ZNF491: variants seen among roughly 807,000 people sequenced by gnomAD.
ZNF491 encodes zinc finger protein 491.
Under a neutral mutation model 34.7 loss-of-function variants are expected in ZNF491, and 22 were observed. The observed-to-expected ratio is 0.63, with a 90% CI of 0.45 to 0.90. The LOEUF (loss-of-function observed/expected upper bound fraction) is 0.90, where lower values mean the gene tolerates loss of function less well. Among genes scored for constraint, ZNF491 ranks in the 40% least tolerant of loss-of-function variants. ZNF491 has a pLI of 0.00. For synonymous variants in ZNF491, 148 were observed against 174.3 expected (o/e 0.85, Z 1.19); for missense variants, 559 against 531.7 (o/e 1.05, Z -0.51).
chr19:11,800,960 C>G (rs1346515839), intron 1 of ZNF491, among the ~76,000 whole-genome samples: 1 of 151,852 alleles, frequency 6.6e-6, no homozygotes, highest in African/African-American at 2.4e-5. Context: ...TCGCTTGAGC[C>G]CCGAAGATCC....
In ZNF491 at chr19:11,804,174, G is replaced by A. The variant is rs372910362; in HGVS notation, c.-133-368G>A. 2.2e-5 allele frequency among the ~76,000 whole-genome samples: 3 copies of A among 137,620 alleles called. No homozygotes were observed. The South Asian group carries it at 6.8e-4, about 31-fold the overall frequency. 90.3% of individuals were successfully genotyped at this position (137,620 alleles called of 152,430 possible). ...GCCAAGATCGCGCCACTGCACTCCA[G>A]CCTGGGTGACAGAGTGAGGCCCCAT... On this transcript the variant is annotated intron_variant, in intron 1 of 2. Transcript: ENST00000323169.
chr19:11,806,211 T>C lies in ZNF491; in HGVS notation c.258T>C (p.His86=). 6.2e-7 allele frequency: 1 copy of C among 1,613,738 alleles called. No homozygotes were observed. The highest frequency in any genetic ancestry group is 2.2e-5 in the East Asian group (1 of 44,896). The stretch of plus-strand genomic sequence containing the variant: ...AACAACGTAGGAAAGCCTTGAGCCA[T>C]AGCCACTGCTTTCGAACACATGAAA... ...KHKQRRKALS[H]SHCFRTHERP... Residue 86 remains histidine, a synonymous_variant, in exon 3 of 3, where the codon CAT becomes CAC. Coordinates refer to ENST00000323169, the MANE Select transcript of ZNF491 (RefSeq NM_152356.4).
At position 11,807,331 on chromosome 19, in the gene ZNF491, G is replaced by A; in HGVS notation, c.*64G>A. The A allele has an allele frequency of 8.0e-7, 1 of 1,251,414 alleles. No homozygotes were observed. The highest frequency in any genetic ancestry group is 1.9e-5 in the South Asian group (1 of 53,220). The allele number at this position is 1,251,414 out of a possible 1,614,324, so 77.5% of individuals were successfully genotyped here. On this transcript the variant is annotated 3_prime_UTR_variant, in exon 3 of 3. Coordinates refer to ENST00000323169, the MANE Select transcript of ZNF491 (RefSeq NM_152356.4). ...AGGGTCTCACTATCTTGTCCAGGTT[G>A]GTCTTGAACTCCTGGCCTCAAGCAT...
At chr19:11,801,696 A>T (rs1228251064) in intron 1 of ZNF491, among the ~76,000 whole-genome samples, 1 of 152,142 alleles carries the variant, frequency 6.6e-6, no homozygotes, top group African/African-American at 2.4e-5. Context: ...AACCTTAAAA[A>T]TTTTACTAGC....
rs758809179 is a variant in ZNF491, at chr19:11,806,489, G to A, written c.536G>A (p.Arg179Lys). The A allele has an allele frequency of 6.2e-7, 1 of 1,613,974 alleles. No individual in the cohort carries two copies. Among genetic ancestry groups the A allele is most frequent in the East Asian group, 2.2e-5 (1 of 44,878 alleles). The change falls in exon 3 of 3, where the codon AGA becomes AAA. Residue 179 changes from arginine (R) to lysine (K), a missense_variant. Coordinates refer to ENST00000323169, the MANE Select transcript of ZNF491 (RefSeq NM_152356.4). Reference sequence around the variant, plus strand: ...CACAGTTCTGTTCGAATCCATGAAAGAACTCACACTGGGGAGAAGCCATAT... The same window carrying A: ...CACAGTTCTGTTCGAATCCATGAAAAAACTCACACTGGGGAGAAGCCATAT... The part of the protein sequence containing the change: ...SWHSSVRIHE[R>K]THTGEKPYEC...
chr19:11,805,783 G>C (rs1260195621), intron 2 of ZNF491, among the ~76,000 whole-genome samples, 164 bp from the exon 3 acceptor site: 1 of 152,156 alleles, frequency 6.6e-6, no homozygotes, highest in South Asian at 2.1e-4. Context: ...GGCGGTGAAG[G>C]CTGCAGTGTG....
chr19:11,802,076 C>T (rs1490823025), intron 1 of ZNF491, among the ~76,000 whole-genome samples: 1 of 152,132 alleles, frequency 6.6e-6, no homozygotes, highest in African/African-American at 2.4e-5. Flanking sequence ...GCCTCAGCCT[C>T]CTGAAAGTGT....
At position 11,806,499 on chromosome 19, in the gene ZNF491, T is replaced by C. The variant is rs1599282044; in HGVS notation, c.546T>C (p.Thr182=). The C allele has an allele frequency of 1.2e-6, 2 of 1,613,902 alleles. No individual in the cohort carries two copies. The highest frequency in any genetic ancestry group is 8.5e-7 in the Non-Finnish European group (1 of 1,180,000). Residue 182 remains threonine, a synonymous_variant, in exon 3 of 3, where the codon ACT becomes ACC. Transcript: ENST00000323169. ...SSVRIHERTH[T]GEKPYECKEC... is the part of the protein sequence containing the mutation. Reference sequence around the variant, plus strand: ...TTCGAATCCATGAAAGAACTCACACTGGGGAGAAGCCATATGAATGTAAGG... The same window carrying C: ...TTCGAATCCATGAAAGAACTCACACCGGGGAGAAGCCATATGAATGTAAGG...
At chr19:11,801,439 G>A (rs1225624818) in intron 1 of ZNF491, among the ~76,000 whole-genome samples, 1 of 151,924 alleles carries the variant, frequency 6.6e-6, no homozygotes, top group African/African-American at 2.4e-5. Flanking sequence ...GGTGGATCAT[G>A]AGGTCAGGAG....
chr19:11,800,741 G>T (rs1975549985), intron 1 of ZNF491, among the ~76,000 whole-genome samples: 1 of 152,040 alleles, frequency 6.6e-6, no homozygotes, highest in South Asian at 2.1e-4. Flanking sequence ...AAAAATTTTA[G>T]TCCAGGCACA....
At chr19:11,803,688 A>G (rs1467190806) in intron 1 of ZNF491, among the ~76,000 whole-genome samples, 1 of 152,228 alleles carries the variant, frequency 6.6e-6, no homozygotes, top group Non-Finnish European at 1.5e-5. Flanking sequence ...GTTTTGCAGG[A>G]GAATGCCACA....
In ZNF491 at chr19:11,807,554, ATTC is replaced by A. The variant is rs968587749; in HGVS notation, c.*289_*291del. ...CCCCTGATTCTAGCCCATTTTCCTG[ATTC>A]TCTGGCTTGTCAATCAAGAGTATCC... is the stretch of plus-strand genomic sequence containing the variant. On this transcript the variant is annotated 3_prime_UTR_variant, in exon 3 of 3. Coordinates refer to ENST00000323169, the MANE Select transcript of ZNF491 (RefSeq NM_152356.4). The A allele has an allele frequency of 1.8e-5, 6 of 329,900 alleles. No homozygotes were observed. The highest frequency in any genetic ancestry group is 2.9e-5 in the Non-Finnish European group (5 of 173,300). The allele number at this position is 329,900 out of a possible 1,614,324, so 20.4% of individuals were successfully genotyped here. A position where few individuals can be genotyped will look rare whatever the true frequency, so the allele number is the denominator to read the frequency against.
Position 11,806,479 on chromosome 19 carries a change from A to C in ZNF491, c.526A>C (p.Ile176Leu). The part of the protein sequence containing the change: ...KAFSWHSSVR[I>L]HERTHTGEKP... ...CTTCAGTTGGCACAGTTCTGTTCGA[A>C]TCCATGAAAGAACTCACACTGGGGA... The change falls in exon 3 of 3, where the codon ATC becomes CTC. Residue 176 changes from isoleucine to leucine, a missense_variant. Physicochemically the swap from Ile to Leu is conservative, Grantham distance 5. Transcript: ENST00000323169. 2 of 1,613,906 alleles carry C rather than the reference A, an allele frequency of 1.2e-6. No individual in the cohort carries two copies. Among genetic ancestry groups the C allele is most frequent in the Middle Eastern group, 1.7e-4 (1 of 6,054 alleles).
intron 1 of ZNF491, among the ~76,000 whole-genome samples, chr19:11,804,117 T>G (rs1400823690): frequency 1.3e-5 from 2 of 148,906 alleles, no homozygotes; most frequent in Admixed American, 6.8e-5. Flanking sequence ...GCAGGAGAAC[T>G]GCTTGAACCC....
chr19:11,806,110 A>C lies in ZNF491; in HGVS notation c.157A>C (p.Asn53His). 6.2e-7 allele frequency: 1 copy of C among 1,613,894 alleles called. No homozygotes were observed. Among genetic ancestry groups the C allele is most frequent in the Non-Finnish European group, 8.5e-7 (1 of 1,180,016 alleles). ...GEIFMGYSSF[N>H]RNIRTDTGHQ... ...AATCTTCATGGGATATTCATCCTTT[A>C]ATAGGAACATCAGAACTGACACTGG... Residue 53 changes from asparagine to histidine, a missense_variant, in exon 3 of 3, where the codon AAT becomes CAT. By Grantham distance (68) the Asn-to-His change is moderately conservative. Coordinates refer to ENST00000323169, the MANE Select transcript of ZNF491 (RefSeq NM_152356.4).
chr19:11,807,057 C>T lies in ZNF491; in HGVS notation c.1104C>T (p.Ser368=). ...KQCGKAFHCV[S]SFHRHERTHA... is the part of the protein sequence containing the mutation. ...GTGGGAAAGCATTTCATTGTGTCAG[C>T]TCCTTTCATAGACATGAAAGGACTC... The change falls in exon 3 of 3, where the codon AGC becomes AGT. Residue 368 remains serine, a synonymous_variant. Transcript: ENST00000323169. 2 of 1,608,358 alleles carry T rather than the reference C, an allele frequency of 1.2e-6. No individual in the cohort carries two copies. The highest frequency in any genetic ancestry group is 2.2e-5 in the South Asian group (2 of 90,162).
intron 2 of ZNF491, among the ~76,000 whole-genome samples, chr19:11,805,428 A>G (rs888598169): frequency 1.5e-3 from 227 of 151,956 alleles, no homozygotes; most frequent in African/African-American, 5.3e-3. Context: ...AAAAAAAAAA[A>G]AAAGAAACCT....
chr19:11,805,143 C>G (rs1337473743), intron 2 of ZNF491, among the ~76,000 whole-genome samples: 2 of 152,224 alleles, frequency 1.3e-5, no homozygotes, highest in African/African-American at 4.8e-5. Flanking sequence ...GCCGTGGTGG[C>G]TCACGCCTGT....
At chr19:11,801,705 G>C (rs533801980) in intron 1 of ZNF491, among the ~76,000 whole-genome samples, 1 of 152,214 alleles carries the variant, frequency 6.6e-6, no homozygotes, top group African/African-American at 2.4e-5. Context: ...AATTTTACTA[G>C]CTCAAGCATT....
Sources: gnomAD v4.1 joint callset for allele counts (sites outside exome capture counted in the v4.1 genomes callset) on GRCh38, gnomAD v4.1.1 for gene constraint, MANE v1.5 for transcripts, NCBI Gene and HGNC (gene_info 2026-07-23, HGNC 2026-07-21) for gene names.